FAT1: variants seen among roughly 807,000 people sequenced by gnomAD.
FAT1 encodes the protein FAT atypical cadherin 1.
Under a neutral mutation model 329.8 loss-of-function variants are expected in FAT1, and 171 were observed. The ratio of observed to expected loss-of-function variants is 0.52; its 90% CI spans 0.46 to 0.59. The LOEUF is 0.59. FAT1 is among the 20% of genes least tolerant of loss of function. The pLI, the probability that FAT1 is intolerant of heterozygous loss-of-function variation, is 0.00. For missense variants in FAT1, 5,672 were observed against 5,774.4 expected, an observed-to-expected ratio of 0.98 and a Z score of 0.57; for synonymous variants, 2,233 against 2,228.6, an observed-to-expected ratio of 1.00 and a Z score of -0.06.
intron 3 of FAT1, among the ~76,000 whole-genome samples, chr4:186,649,367 G>A (rs1179108484): frequency 1.3e-5 from 2 of 152,152 alleles, no homozygotes; most frequent in Non-Finnish European, 2.9e-5. Flanking sequence ...TACCTTTGTG[G>A]TGGATTGAAT....
rs1217371070 is a variant in FAT1, at chr4:186,618,182, C to T, written c.8404G>A (p.Ala2802Thr). ...SVDVSIQVKD[A>T]NDNSPVFESS... ...TCAAAGACCGGGCTGTTGTCATTTG[C>T]ATCTTTCACTTGGATACTAACATCT... is the stretch of plus-strand genomic sequence containing the variant. Residue 2802 changes from alanine to threonine, a missense_variant, in exon 10 of 27, where the codon GCA becomes ACA. Coordinates refer to ENST00000441802, the MANE Select transcript of FAT1 (RefSeq NM_005245.4). 1 of 1,613,992 alleles carries T rather than the reference C, an allele frequency of 6.2e-7. No individual in the cohort carries two copies. Among genetic ancestry groups the T allele is most frequent in the African/African-American group, 1.3e-5 (1 of 75,046 alleles).
Position 186,588,917 on chromosome 4 carries a change from C to T in FAT1, c.13442G>A (p.Arg4481Gln), listed in dbSNP as rs762511876. The T allele has an allele frequency of 5.1e-5, 82 of 1,613,802 alleles. No individual in the cohort carries two copies. The highest frequency in any genetic ancestry group is 2.0e-4 in the East Asian group (9 of 44,884). ...AGSLGSSSRN[R>Q]QRFNLNQYLP... ...ATACTGATTCAAGTTGAACCTCTGC[C>T]GGTTTCTTGATGAAGAACCCAAGCT... The change falls in exon 27 of 27, where the codon CGG becomes CAG. Residue 4481 changes from arginine (R) to glutamine (Q), a missense_variant. Physicochemically the swap from Arg to Gln is conservative, Grantham distance 43 (BLOSUM62 1). This residue lies in a region of FAT1 where 1,706 missense variants were observed against 1,859.1 expected (regional missense o/e 0.92). Coordinates refer to ENST00000441802, the MANE Select transcript of FAT1 (RefSeq NM_005245.4).
chr4:186,687,129 G>C (rs1055825173), intron 2 of FAT1, among the ~76,000 whole-genome samples: 1 of 152,120 alleles, frequency 6.6e-6, no homozygotes, highest in African/African-American at 2.4e-5. Context: ...TCGAGAAAAG[G>C]TAAGTTAAAT....
At position 186,633,788 on chromosome 4, in the gene FAT1, C is replaced by T. The variant is rs1283494932; in HGVS notation, c.4219G>A (p.Gly1407Arg). The T allele has an allele frequency of 1.9e-6, 3 of 1,613,936 alleles. No individual in the cohort carries two copies. In the Admixed American group the frequency reaches 5.0e-5, roughly 27 times the overall value. ...NYDSHFDVDK[G>R]TGTIIVAKPL... ...TTGGCAACAATGATGGTTCCAGTTC[C>T]CTTGTCCACATCGAAGTGACTGTCG... Residue 1407 changes from glycine to arginine, a missense_variant, in exon 7 of 27, where the codon GGA (glycine) becomes AGA (arginine). By Grantham distance (125) the Gly-to-Arg change is moderately radical. This residue lies in a region of FAT1 where 3,966 missense variants were observed against 3,915.2 expected (regional missense o/e 1.01). Coordinates refer to ENST00000441802, the MANE Select transcript of FAT1 (RefSeq NM_005245.4).
chr4:186,628,405 CCTTATAA>C, intron 8 of FAT1, 41 bp from the exon 9 acceptor site: 2 of 1,609,136 alleles, frequency 1.2e-6, no homozygotes, highest in Non-Finnish European at 1.7e-6. Context: ...TTGGTGCTTT[CCTTATAA>C]CTAATTAAAA....
Position 186,588,506 on chromosome 4 carries a change from T to C in FAT1, c.*86A>G. On this transcript the variant is annotated 3_prime_UTR_variant, in exon 27 of 27. Transcript: ENST00000441802. The stretch of plus-strand genomic sequence containing the variant: ...CCCATTCGGCTCACCAAAAAAAGCT[T>C]GGAAGCACTGCTGCAAAGAACAGCG... The C allele has an allele frequency of 1.4e-6, 2 of 1,479,828 alleles. No homozygotes were observed. The highest frequency in any genetic ancestry group is 1.8e-6 in the Non-Finnish European group (2 of 1,114,232). The allele number at this position is 1,479,828 out of a possible 1,614,324, so 91.7% of individuals were successfully genotyped here. A position where few individuals can be genotyped will look rare whatever the true frequency, so the allele number is the denominator to read the frequency against.
At chr4:186,628,997 C>G (rs1434599582) in intron 7 of FAT1, among the ~76,000 whole-genome samples, 1 of 152,142 alleles carries the variant, frequency 6.6e-6, no homozygotes, top group African/African-American at 2.4e-5. Flanking sequence ...ATAACTAACT[C>G]TGGGACAAAA....
At chr4:186,717,202 G>C (rs114547328) in intron 1 of FAT1, among the ~76,000 whole-genome samples, 15 of 151,800 alleles carry the variant, frequency 9.9e-5, no homozygotes, top group African/African-American at 3.6e-4. Flanking sequence ...TAGCCATGTC[G>C]GTACTTTTAA....
intron 22 of FAT1, among the ~76,000 whole-genome samples, chr4:186,598,981 G>A (rs1738663538): frequency 6.6e-6 from 1 of 152,178 alleles, no homozygotes; most frequent in South Asian, 2.1e-4. Flanking sequence ...AAGAACTGTG[G>A]TGCCCTGGGC....
chr4:186,642,107 T>C (rs942093761), intron 3 of FAT1, among the ~76,000 whole-genome samples: 1 of 152,142 alleles, frequency 6.6e-6, no homozygotes, highest in Non-Finnish European at 1.5e-5. Flanking sequence ...AAATTAATTC[T>C]CCTCCGTTAA....
Position 186,628,514 on chromosome 4 carries a change from C to G in FAT1, c.4573G>C (p.Val1525Leu), listed in dbSNP as rs758145846. Residue 1525 changes from valine (V) to leucine (L), a missense_variant, in exon 8 of 27, where the codon GTT becomes CTT. Val to Leu is a conservative substitution (Grantham distance 32, BLOSUM62 1). Coordinates refer to ENST00000441802, the MANE Select transcript of FAT1 (RefSeq NM_005245.4). ...YTSEKLDHEAVHQHTLTVMVR... is the reference protein window; with the variant it reads ...YTSEKLDHEALHQHTLTVMVR... ...ATGACCGTGAGGGTGTGCTGGTGAACAGCTTCATGATCCAGTTTCTCAGAA... is the reference window on the plus strand; with the variant it reads ...ATGACCGTGAGGGTGTGCTGGTGAAGAGCTTCATGATCCAGTTTCTCAGAA... 19 of 1,613,880 alleles carry G rather than the reference C, an allele frequency of 1.2e-5. No individual in the cohort carries two copies. Among genetic ancestry groups the G allele is most frequent in the African/African-American group, 4.0e-5 (3 of 74,920 alleles).
At chr4:186,591,978 A>G (rs1738261392) in intron 26 of FAT1, among the ~76,000 whole-genome samples, 1 of 152,140 alleles carries the variant, frequency 6.6e-6, no homozygotes, top group Non-Finnish European at 1.5e-5. Context: ...GAAAAATGCA[A>G]ATTCTAAAGT....
chr4:186,682,203 T>C (rs1743243316), intron 2 of FAT1, among the ~76,000 whole-genome samples: 1 of 152,140 alleles, frequency 6.6e-6, no homozygotes, highest in South Asian at 2.1e-4. Context: ...TCTTTCAAAA[T>C]ATTATTACTT....
At chr4:186,605,312 G>GGA (rs547963945) in intron 17 of FAT1, among the ~76,000 whole-genome samples, 67 of 144,450 alleles carry the variant, frequency 4.6e-4, no homozygotes, top group African/African-American at 1.7e-3. Flanking sequence ...AGTGAGAAGG[G>GGA]GGAGGAGGAG....
At chr4:186,713,906 C>G (rs538503014) in intron 1 of FAT1, among the ~76,000 whole-genome samples, 131 of 152,308 alleles carry the variant, frequency 8.6e-4, no homozygotes, top group African/African-American at 3.2e-3. Context: ...AGGCTGGTCT[C>G]AAACACCCAG....
intron 3 of FAT1, among the ~76,000 whole-genome samples, chr4:186,660,920 A>G (rs1742137134): frequency 6.6e-6 from 1 of 152,116 alleles, no homozygotes; most frequent in African/African-American, 2.4e-5. Context: ...TTATGCCCAG[A>G]CCTATGCCAT....
At chr4:186,717,808 T>C (rs1401953836) in intron 1 of FAT1, among the ~76,000 whole-genome samples, 1 of 152,130 alleles carries the variant, frequency 6.6e-6, no homozygotes, top group Non-Finnish European at 1.5e-5. Flanking sequence ...GGGTGAGGCA[T>C]TCCTGTGCTA....
At chr4:186,723,959 G>A (rs1344110314), upstream of FAT1, 2 of 151,062 alleles carry the variant, frequency 1.3e-5, no homozygotes, top group Non-Finnish European at 3.0e-5. Flanking sequence ...TGCCGGCTCT[G>A]GGACCGCGGG....
intron 2 of FAT1, among the ~76,000 whole-genome samples, chr4:186,686,457 T>C (rs1452542953): frequency 6.6e-6 from 1 of 152,236 alleles, no homozygotes; most frequent in Non-Finnish European, 1.5e-5. Flanking sequence ...CATCTTGGCA[T>C]AATTAAATCA....
Sources: gnomAD v4.1 joint callset for allele counts (sites outside exome capture counted in the v4.1 genomes callset) on GRCh38, gnomAD v4.1.1 for gene constraint, gnomAD v4.1.1 regional missense constraint, MANE v1.5 for transcripts, NCBI Gene and HGNC (gene_info 2026-07-23, HGNC 2026-07-21) for gene names.